The following REPS2 variants were observed in gnomAD, a reference collection of about 807,000 sequenced individuals.
REPS2 encodes the protein ralBP1-associated Eps domain-containing protein 2.
REPS2 carries 23 observed loss-of-function variants against 53.6 expected under a neutral mutation model. The ratio of observed to expected loss-of-function variants is 0.43; its 90% CI spans 0.31 to 0.61. The LOEUF (loss-of-function observed/expected upper bound fraction) is 0.61, where lower values mean the gene tolerates loss of function less well. Among genes scored for constraint, REPS2 ranks in the 20% least tolerant of loss-of-function variants. REPS2 has a pLI of 0.11. For missense variants in REPS2, 446 were observed against 534.9 expected, an observed-to-expected ratio of 0.83 and a Z score of 1.64; for synonymous variants, 238 against 218.6, an observed-to-expected ratio of 1.09 and a Z score of -0.78.
chrX:17,127,144 A>G (rs2063222991), intron 14 of REPS2, among the ~76,000 whole-genome samples: 1 of 111,908 alleles, frequency 8.9e-6, no homozygotes, highest in Non-Finnish European at 1.9e-5. Flanking sequence ...AAAAATGGCC[A>G]AGGGTGTCTT....
intron 13 of REPS2, among the ~76,000 whole-genome samples, chrX:17,097,362 AT>A (rs2062718241): frequency 8.9e-6 from 1 of 112,463 alleles, no homozygotes; most frequent in Admixed American, 9.4e-5. Context: ...TACTTTAGAC[AT>A]CATAAAATAA....
At chrX:16,968,971 G>A (rs2060832923) in intron 1 of REPS2, among the ~76,000 whole-genome samples, 1 of 110,932 alleles carries the variant, frequency 9.0e-6, no homozygotes, top group African/African-American at 3.3e-5. Flanking sequence ...TTCTCAGACG[G>A]GGCGGCTGCT....
intron 2 of REPS2, among the ~76,000 whole-genome samples, chrX:17,020,819 C>T (rs1807412): frequency 0.43 from 47,010 of 109,440 alleles, 7,743 homozygotes; most frequent in Middle Eastern, 0.57. Flanking sequence ...TGTGTAGAGA[C>T]GGGGTTTTAC....
chrX:17,098,448 A>T (rs2062737956), intron 13 of REPS2, among the ~76,000 whole-genome samples: 1 of 111,965 alleles, frequency 8.9e-6, no homozygotes, highest in South Asian at 3.7e-4. Context: ...TGAAGTTTAC[A>T]TTCAAACAAA....
chrX:17,134,968 G>C (rs1413834507), intron 15 of REPS2, among the ~76,000 whole-genome samples: 1 of 111,136 alleles, frequency 9.0e-6, no homozygotes, highest in African/African-American at 3.3e-5. Flanking sequence ...AGCCTATCTT[G>C]TCTTCAGTTA....
chrX:17,099,769 A>G, intron 13 of REPS2: 1 of 552,248 alleles, frequency 1.8e-6, no homozygotes, highest in Non-Finnish European at 3.3e-6. Flanking sequence ...GCTGGTACTC[A>G]GGAGAGTTAA....
chrX:17,099,783 T>C, intron 13 of REPS2: 2 of 557,978 alleles, frequency 3.6e-6, no homozygotes, highest in South Asian at 2.3e-5. Flanking sequence ...GAGTTAATTC[T>C]TGTCATCATC....
intron 13 of REPS2, chrX:17,099,697 G>T: frequency 2.1e-6 from 1 of 465,523 alleles, no homozygotes; most frequent in African/African-American, 2.4e-5. Flanking sequence ...TACCTCTATG[G>T]TGTCAAGACA....
At chrX:16,977,156 T>G (rs992469882) in intron 1 of REPS2, among the ~76,000 whole-genome samples, 25 of 111,724 alleles carry the variant, frequency 2.2e-4, no homozygotes, top group Admixed American at 2.2e-3. Flanking sequence ...GGGCCTTCTT[T>G]TGGCTTCTTG....
chrX:16,977,218 TG>T (rs2060965781), intron 1 of REPS2, among the ~76,000 whole-genome samples: 1 of 111,134 alleles, frequency 9.0e-6, no homozygotes, highest in Non-Finnish European at 1.9e-5. Context: ...TTAGTGCCTG[TG>T]GGGCCTTAAT....
intron 2 of REPS2, among the ~76,000 whole-genome samples, chrX:17,015,235 A>G (rs2061475973): frequency 8.9e-6 from 1 of 112,670 alleles, no homozygotes; most frequent in South Asian, 3.6e-4. Flanking sequence ...GGCTAGTGTG[A>G]CTGAGAAACT....
chrX:16,998,600 G>T (rs1313478655), intron 1 of REPS2, among the ~76,000 whole-genome samples: 1 of 111,810 alleles, frequency 8.9e-6, no homozygotes, highest in Non-Finnish European at 1.9e-5. Flanking sequence ...ATCCACCCTA[G>T]ATGGTTAAGC....
intron 2 of REPS2, among the ~76,000 whole-genome samples, chrX:17,011,617 C>T (rs976457914): frequency 3.6e-5 from 4 of 112,150 alleles, no homozygotes; most frequent in African/African-American, 6.5e-5. Flanking sequence ...TGTTATATAA[C>T]AACATACATG....
At chrX:16,983,162 T>G (rs762148268) in intron 1 of REPS2, among the ~76,000 whole-genome samples, 6 of 109,765 alleles carry the variant, frequency 5.5e-5, no homozygotes, top group Non-Finnish European at 1.1e-4. Context: ...TAGTTTATCC[T>G]GGTTAAGATA....
chrX:17,020,894 G>A (rs1168642531), intron 2 of REPS2, among the ~76,000 whole-genome samples: 2 of 111,843 alleles, frequency 1.8e-5, no homozygotes, highest in East Asian at 5.6e-4. Flanking sequence ...GCCTCCCAAA[G>A]TGCTGGAATT....
At chrX:16,982,608 C>T (rs888632157) in intron 1 of REPS2, among the ~76,000 whole-genome samples, 5 of 112,014 alleles carry the variant, frequency 4.5e-5, no homozygotes, top group African/African-American at 9.7e-5. Context: ...GGATGTTTCA[C>T]GAGTTGATAG....
chrX:17,063,548 T>A (rs1242779704), intron 9 of REPS2, among the ~76,000 whole-genome samples: 2 of 112,006 alleles, frequency 1.8e-5, no homozygotes, highest in African/African-American at 3.2e-5. Context: ...TTTCTTTGAG[T>A]TGTGTCCTCC....
the REPS2 span, among the ~76,000 whole-genome samples, chrX:17,160,411 A>G: frequency 8.9e-6 from 1 of 112,622 alleles, no homozygotes; most frequent in African/African-American, 3.2e-5. Context: ...GCTTAAGAGC[A>G]TTATCCCTCA....
chrX:17,110,719 T>TA (rs1419335754), intron 14 of REPS2, among the ~76,000 whole-genome samples: 1 of 105,559 alleles, frequency 9.5e-6, no homozygotes, highest in African/African-American at 3.5e-5. Context: ...AAACAAACAA[T>TA]AAAAAAAGAA....
Sources: gnomAD v4.1 joint callset for allele counts (sites outside exome capture counted in the v4.1 genomes callset) on GRCh38, gnomAD v4.1.1 for gene constraint, MANE v1.5 for transcripts, NCBI Gene and HGNC (gene_info 2026-07-23, HGNC 2026-07-21) for gene names.